The following ENOX1 variants were observed in gnomAD, a reference collection of about 807,000 sequenced individuals.
The protein encoded by ENOX1 is ecto-NOX disulfide-thiol exchanger 1, also known as candidate growth-related and time keeping constitutive hydroquinone (NADH) oxidase.
Under a neutral mutation model 82.5 loss-of-function variants are expected in ENOX1, and 42 were observed. The ratio of observed to expected loss-of-function variants is 0.51; its 90% CI spans 0.40 to 0.66. The LOEUF is 0.66. ENOX1 is among the 30% of genes least tolerant of loss of function. The pLI is 0.00. For missense variants in ENOX1, 608 were observed against 811.6 expected (o/e 0.75, Z 3.05); for synonymous variants, 271 against 282.2 (o/e 0.96, Z 0.40).
chr13:43,401,357 T>C (rs2053485313), intron 5 of ENOX1, among the ~76,000 whole-genome samples: 1 of 152,130 alleles, frequency 6.6e-6, no homozygotes, highest in African/African-American at 2.4e-5. Context: ...CAACAAAAAG[T>C]ACAGGATAGT....
At chr13:43,364,558 A>AC (rs111548809) in intron 5 of ENOX1, among the ~76,000 whole-genome samples, 7,909 of 152,264 alleles carry the variant, frequency 0.052, 683 homozygotes, top group African/African-American at 0.18. Context: ...AAACAAACAA[A>AC]AAAAAATCCT....
chr13:43,347,866 A>G (rs1375882201), intron 8 of ENOX1, among the ~76,000 whole-genome samples: 3 of 152,234 alleles, frequency 2.0e-5, no homozygotes, highest in Admixed American at 6.5e-5. Context: ...TTTTTCCACT[A>G]TAAGAATTGA....
intron 1 of ENOX1, among the ~76,000 whole-genome samples, chr13:43,771,615 A>C (rs546924656): frequency 6.6e-6 from 1 of 152,194 alleles, no homozygotes; most frequent in African/African-American, 2.4e-5. Context: ...AAGAGGTAAC[A>C]GTGGGTTTAG....
At chr13:43,547,641 TG>T (rs1198874621) in intron 2 of ENOX1, 2 of 152,242 alleles carry the variant, frequency 1.3e-5, no homozygotes, top group Non-Finnish European at 2.9e-5. Context: ...TTCAGTAGTT[TG>T]TCAGCAAACA....
intron 2 of ENOX1, among the ~76,000 whole-genome samples, chr13:43,603,543 C>T (rs1413792853): frequency 4.3e-5 from 6 of 139,856 alleles, no homozygotes; most frequent in African/African-American, 1.7e-4. Flanking sequence ...CCCCCTCCCC[C>T]CACCCCACAA....
intron 1 of ENOX1, among the ~76,000 whole-genome samples, chr13:43,715,585 C>T (rs927508041): frequency 2.6e-5 from 4 of 152,116 alleles, no homozygotes; most frequent in African/African-American, 7.2e-5. Flanking sequence ...TCCATTCTCC[C>T]CGTCACTTTC....
chr13:43,332,068 C>T (rs1593983488), intron 9 of ENOX1, among the ~76,000 whole-genome samples: 2 of 152,296 alleles, frequency 1.3e-5, no homozygotes, highest in East Asian at 1.9e-4. Context: ...GAGTCCATTA[C>T]AGCCCACTTA....
At chr13:43,549,986 G>T (rs2079123110) in intron 2 of ENOX1, among the ~76,000 whole-genome samples, 1 of 152,156 alleles carries the variant, frequency 6.6e-6, no homozygotes, top group Non-Finnish European at 1.5e-5. Flanking sequence ...GCAGGGGGAT[G>T]GTTTTGGGAT....
intron 2 of ENOX1, among the ~76,000 whole-genome samples, chr13:43,636,051 A>G (rs79536688): frequency 1.1e-4 from 16 of 152,226 alleles, no homozygotes; most frequent in African/African-American, 3.6e-4. Flanking sequence ...TCATTCCTAG[A>G]GTGGGGACCA....
chr13:43,650,208 C>G (rs896139827), intron 2 of ENOX1, among the ~76,000 whole-genome samples: 1 of 152,204 alleles, frequency 6.6e-6, no homozygotes, highest in African/African-American at 2.4e-5. Flanking sequence ...TATCACTGAC[C>G]AGTTCTTGGC....
intron 2 of ENOX1, among the ~76,000 whole-genome samples, chr13:43,560,765 G>T (rs2079633627): frequency 6.6e-6 from 1 of 152,200 alleles, no homozygotes; most frequent in Admixed American, 6.5e-5. Flanking sequence ...AGCACAGATT[G>T]TATGGCGCCA....
At chr13:43,296,965 C>A (rs1279105245) in intron 12 of ENOX1, among the ~76,000 whole-genome samples, 2 of 152,116 alleles carry the variant, frequency 1.3e-5, no homozygotes, top group Non-Finnish European at 2.9e-5. Context: ...ATGGACAACC[C>A]CAGAAGTCTC....
At chr13:43,229,732 G>C (rs2042191001) in intron 15 of ENOX1, among the ~76,000 whole-genome samples, 1 of 152,176 alleles carries the variant, frequency 6.6e-6, no homozygotes, top group African/African-American at 2.4e-5. Context: ...GGACTGCAAA[G>C]GGAGAAGCGG....
intron 1 of ENOX1, among the ~76,000 whole-genome samples, chr13:43,683,591 C>A (rs758799914): frequency 1.7e-4 from 26 of 152,066 alleles, no homozygotes; most frequent in Non-Finnish European, 3.7e-4. Context: ...AAACTGGAGG[C>A]TCAACCAGGC....
chr13:43,583,964 C>T (rs772640420), intron 2 of ENOX1, among the ~76,000 whole-genome samples: 5 of 152,006 alleles, frequency 3.3e-5, no homozygotes, highest in Non-Finnish European at 7.4e-5. Context: ...TGAAGACTTG[C>T]GAAGAATAGT....
chr13:43,402,019 G>T (rs942265527), intron 5 of ENOX1, among the ~76,000 whole-genome samples: 6 of 151,948 alleles, frequency 3.9e-5, no homozygotes, highest in African/African-American at 1.5e-4. Flanking sequence ...AAATTAGTAG[G>T]CATGCAAAGA....
chr13:43,250,432 A>G (rs1188792417), intron 14 of ENOX1, among the ~76,000 whole-genome samples: 1 of 152,218 alleles, frequency 6.6e-6, no homozygotes, highest in East Asian at 1.9e-4. Flanking sequence ...AACAGGCGGC[A>G]TTGTGCCTGT....
chr13:43,308,780 C>T (rs540771689), intron 11 of ENOX1, among the ~76,000 whole-genome samples: 2 of 152,104 alleles, frequency 1.3e-5, no homozygotes, highest in East Asian at 1.9e-4. Flanking sequence ...GTGAACCACA[C>T]ATTCACACCT....
At chr13:43,692,904 A>C (rs1338899682) in intron 1 of ENOX1, among the ~76,000 whole-genome samples, 1 of 152,162 alleles carries the variant, frequency 6.6e-6, no homozygotes, top group Non-Finnish European at 1.5e-5. Context: ...TGTATCCTAA[A>C]TAACAACCTA....
Sources: allele counts gnomAD v4.1 joint callset (sites outside exome capture counted in the v4.1 genomes callset), GRCh38; gene constraint gnomAD v4.1.1; transcripts MANE v1.5; gene names NCBI Gene and HGNC (gene_info 2026-07-23, HGNC 2026-07-21).